The following SYNPR variants were observed in gnomAD, a reference collection of about 807,000 sequenced individuals.
The protein encoded by SYNPR is synaptoporin.
SYNPR carries 23 observed loss-of-function variants against 32.9 expected under a neutral mutation model. The ratio of observed to expected loss-of-function variants is 0.70; its 90% CI spans 0.50 to 0.99. The LOEUF is 0.99. Among genes scored for constraint, SYNPR ranks in the 50% least tolerant of loss-of-function variants. The pLI is 0.00. For missense variants in SYNPR, 318 were observed against 349.3 expected (o/e 0.91, Z 0.71); for synonymous variants, 146 against 135.9 (o/e 1.07, Z -0.52).
chr3:63,503,676 T>A (rs1701527559), intron 3 of SYNPR, among the ~76,000 whole-genome samples: 2 of 152,100 alleles, frequency 1.3e-5, no homozygotes, highest in South Asian at 4.1e-4. Flanking sequence ...TCATTTTATT[T>A]AAAATGTATT....
At chr3:63,230,652 G>A (rs13079125) in intron 1 of SYNPR, among the ~76,000 whole-genome samples, 3,062 of 152,194 alleles carry the variant, frequency 0.02, 47 homozygotes, top group Non-Finnish European at 0.03. Context: ...TTGCCTACCG[G>A]GATTTGAGTA....
At chr3:63,311,936 T>C (rs927401220) in intron 2 of SYNPR, among the ~76,000 whole-genome samples, 1 of 151,932 alleles carries the variant, frequency 6.6e-6, no homozygotes, top group African/African-American at 2.4e-5. Context: ...AGTTAATTCA[T>C]CTAAAACTTT....
At chr3:63,372,571 C>T (rs1196755825) in intron 2 of SYNPR, among the ~76,000 whole-genome samples, 1 of 152,174 alleles carries the variant, frequency 6.6e-6, no homozygotes, top group Admixed American at 6.5e-5. Flanking sequence ...TCACAAGGCA[C>T]AGCTGCCCCT....
chr3:63,601,646 G>A (rs1700044956), intron 4 of SYNPR, among the ~76,000 whole-genome samples: 1 of 152,172 alleles, frequency 6.6e-6, no homozygotes. Context: ...ATGGTCTCCA[G>A]CTCCATCTAT....
chr3:63,380,937 G>C (rs1022340738), intron 2 of SYNPR, among the ~76,000 whole-genome samples: 1 of 152,100 alleles, frequency 6.6e-6, no homozygotes, highest in Non-Finnish European at 1.5e-5. Flanking sequence ...CAAACCCACA[G>C]CCAATATCAT....
intron 2 of SYNPR, among the ~76,000 whole-genome samples, chr3:63,288,441 G>A (rs1311083694): frequency 1.3e-5 from 2 of 152,150 alleles, no homozygotes; most frequent in Non-Finnish European, 2.9e-5. Flanking sequence ...TGAGATTTTG[G>A]CATCAGTATT....
intron 3 of SYNPR, among the ~76,000 whole-genome samples, chr3:63,490,725 T>C (rs1397048640): frequency 6.6e-6 from 1 of 152,138 alleles, no homozygotes; most frequent in Admixed American, 6.6e-5. Flanking sequence ...TTTTGGTTCA[T>C]GGGCACCCCT....
intron 2 of SYNPR, among the ~76,000 whole-genome samples, chr3:63,344,839 G>A (rs944046636): frequency 2.0e-5 from 3 of 152,056 alleles, no homozygotes; most frequent in Admixed American, 2.0e-4. Context: ...TGAATGGGGG[G>A]AATGGTGATT....
intron 2 of SYNPR, among the ~76,000 whole-genome samples, chr3:63,260,716 C>A (rs1037210171): frequency 6.6e-6 from 1 of 151,880 alleles, no homozygotes; most frequent in African/African-American, 2.4e-5. Flanking sequence ...CCAAAATTGA[C>A]AAATGGGATC....
In SYNPR at chr3:63,388,145, G is replaced by A. The variant is rs58757545; in HGVS notation, c.85-92687G>A. Among the ~76,000 whole-genome samples the A allele has an allele frequency of 3.1e-3, 468 of 152,152 alleles. 3 individuals are homozygous for A. Among genetic ancestry groups the A allele is most frequent in the African/African-American group, 0.01 (427 of 41,520 alleles). ...ATCAGTTACTGAATGTGGGTTGTCC[G>A]AGGAAGAGTGAGTGACTTTGAGTGA... is the stretch of plus-strand genomic sequence containing the variant. On this transcript the variant is annotated intron_variant, in intron 2 of 5. Transcript: ENST00000478300.
chr3:63,323,732 A>T (rs1411963269), intron 2 of SYNPR, among the ~76,000 whole-genome samples: 1 of 152,140 alleles, frequency 6.6e-6, no homozygotes, highest in Non-Finnish European at 1.5e-5. Flanking sequence ...TGCAAATAAA[A>T]TTTAAAATGT....
chr3:63,270,682 C>A (rs536132043), intron 3 of SYNPR, among the ~76,000 whole-genome samples: 1 of 152,114 alleles, frequency 6.6e-6, no homozygotes, highest in Non-Finnish European at 1.5e-5. Flanking sequence ...GGTAATTTAA[C>A]TTATCTATGC....
chr3:63,355,574 C>T (rs1382747859), intron 2 of SYNPR, among the ~76,000 whole-genome samples: 1 of 152,174 alleles, frequency 6.6e-6, no homozygotes, highest in Non-Finnish European at 1.5e-5. Context: ...TCCCAAATGA[C>T]TCCTACCACT....
chr3:63,493,815 CAA>C (rs3083190), intron 3 of SYNPR, among the ~76,000 whole-genome samples: 259 of 75,084 alleles, frequency 3.4e-3, no homozygotes, highest in African/African-American at 0.014. Flanking sequence ...GACTCTGTCT[CAA>C]AAAAAAAAAA....
chr3:63,381,501 G>T (rs1170940703), intron 2 of SYNPR, among the ~76,000 whole-genome samples: 1 of 152,210 alleles, frequency 6.6e-6, no homozygotes, highest in Non-Finnish European at 1.5e-5. Context: ...TAGATTCAAT[G>T]CCATCCCCAT....
chr3:63,282,674 C>T (rs1459197156), intron 2 of SYNPR, among the ~76,000 whole-genome samples: 1 of 111,504 alleles, frequency 9.0e-6, no homozygotes, highest in Non-Finnish European at 1.8e-5. Context: ...CAAAGTGAGA[C>T]ACTGTCTCAG....
intron 2 of SYNPR, among the ~76,000 whole-genome samples, chr3:63,446,284 T>G (rs1175994659): frequency 1.3e-5 from 2 of 151,870 alleles, no homozygotes; most frequent in African/African-American, 4.8e-5. Context: ...CACCATGTTT[T>G]TTTTTTTTTT....
intron 3 of SYNPR, among the ~76,000 whole-genome samples, chr3:63,515,496 CT>C (rs1455727941): frequency 1.3e-5 from 2 of 152,118 alleles, no homozygotes; most frequent in African/African-American, 2.4e-5. Flanking sequence ...TTTCTCCCTC[CT>C]AGTCAGCTCA....
chr3:63,465,723 G>A (rs1197539159), intron 2 of SYNPR, among the ~76,000 whole-genome samples: 2 of 151,872 alleles, frequency 1.3e-5, no homozygotes, highest in Non-Finnish European at 2.9e-5. Context: ...TCTCTCAAAG[G>A]TATTTAAAAC....
Sources: allele counts gnomAD v4.1 joint callset (sites outside exome capture counted in the v4.1 genomes callset), GRCh38; gene constraint gnomAD v4.1.1; transcripts MANE v1.5; gene names NCBI Gene and HGNC (gene_info 2026-07-23, HGNC 2026-07-21).